Variants in CACNA1H observed in about 807,000 individuals in gnomAD.
CACNA1H encodes voltage-dependent T-type calcium channel subunit alpha-1H.
CACNA1H carries 149 observed loss-of-function variants against 192.5 expected under a neutral mutation model. That is an observed-to-expected ratio of 0.77 (90% CI 0.68 to 0.89). The LOEUF (loss-of-function observed/expected upper bound fraction) is 0.89. Ranked by LOEUF, CACNA1H falls within the 40% of genes least tolerant of loss-of-function variation. The pLI, the probability that CACNA1H is intolerant of heterozygous loss-of-function variation, is 0.00. For synonymous variants in CACNA1H, 2,202 were observed against 1,475.2 expected, an observed-to-expected ratio of 1.49 and a Z score of -11.29; for missense variants, 4,257 against 3,423.5, an observed-to-expected ratio of 1.24 and a Z score of -6.08.
At chr16:1,161,226 C>A (rs1004275927) in intron 2 of CACNA1H, among the ~76,000 whole-genome samples, 3 of 152,244 alleles carry the variant, frequency 2.0e-5, no homozygotes, top group Non-Finnish European at 4.4e-5. Context: ...GGGAGCGAAG[C>A]TGTTCCTTTG....
rs193055343 is a variant in CACNA1H at position 1,205,714 on chromosome 16, C to T, written c.2604-390C>T. Among the ~76,000 whole-genome samples the T allele has an allele frequency of 1.6e-4, 25 of 152,312 alleles. No individual in the cohort carries two copies. The East Asian group carries it at 1.7e-3, about 11-fold the overall frequency. ...CGCCCCCGGTCTTCCCCTAGGAGGA[C>T]GCTCATCCCTCAAGAGTAGAGAGGG... is the stretch of plus-strand genomic sequence containing the variant. On this transcript the variant is annotated intron_variant, in intron 11 of 34. Transcript: ENST00000348261.
Position 1,218,633 on chromosome 16 carries a change from G to A in CACNA1H, c.5869G>A (p.Gly1957Arg), listed in dbSNP as rs1368233250. The A allele has an allele frequency of 1.3e-6, 2 of 1,552,994 alleles. No individual in the cohort carries two copies. Among genetic ancestry groups the A allele is most frequent in the Non-Finnish European group, 1.7e-6 (2 of 1,147,226 alleles). The change falls in exon 33 of 35, where the codon GGG (glycine) becomes AGG (arginine). Residue 1957 changes from glycine to arginine, a missense_variant. Transcript: ENST00000348261. Reference sequence around the variant, plus strand: ...GCAGGAGGTGGAGATGGAGACCTATGGGGCCGGCACCCCCTTGGGTATGGT... The same window carrying A: ...GCAGGAGGTGGAGATGGAGACCTATAGGGCCGGCACCCCCTTGGGTATGGT... ...PLQEVEMETY[G>R]AGTPLGSVAS... is the part of the protein sequence containing the mutation.
At chr16:1,163,415 A>G (rs1963428512) in intron 2 of CACNA1H, among the ~76,000 whole-genome samples, 1 of 152,192 alleles carries the variant, frequency 6.6e-6, no homozygotes, top group Non-Finnish European at 1.5e-5. Flanking sequence ...GGGAGTGTCC[A>G]GTGAGCTGCC....
intron 15 of CACNA1H, 37 bp downstream of exon 15, chr16:1,207,897 G>T (rs201689016): frequency 4.5e-6 from 7 of 1,555,896 alleles, no homozygotes; most frequent in African/African-American, 1.4e-5. Flanking sequence ...GTTCTGGCGG[G>T]TGGAGTACGC....
Position 1,210,599 on chromosome 16 carries a change from G to C in CACNA1H, c.3986G>C (p.Ser1329Thr). ...TCCCGGCAGGAGCGGGTCTTCCTCA[G>C]CGTCTCCAATTACATCTTCACGGCC... ...DPGSTERVFL[S>T]VSNYIFTAIF... The change falls in exon 20 of 35, where the codon AGC becomes ACC. Residue 1329 changes from serine (S) to threonine (T), a missense_variant. Physicochemically the swap from Ser to Thr is moderately conservative, Grantham distance 58 (BLOSUM62 1). Transcript: ENST00000348261. The C allele has an allele frequency of 6.2e-7, 1 of 1,608,442 alleles. No homozygotes were observed. Among genetic ancestry groups the C allele is most frequent in the African/African-American group, 1.3e-5 (1 of 75,026 alleles).
At chr16:1,188,099 G>A (rs1306791300) in intron 2 of CACNA1H, among the ~76,000 whole-genome samples, 1 of 152,224 alleles carries the variant, frequency 6.6e-6, no homozygotes, top group Non-Finnish European at 1.5e-5. Context: ...AAAGGGGGAG[G>A]CACAGGTGGA....
At chr16:1,219,875 C>T (rs1036994840) in intron 34 of CACNA1H, 106 bp from the exon 35 acceptor site, 11 of 859,654 alleles carry the variant, frequency 1.3e-5, no homozygotes, top group Admixed American at 4.3e-5. Flanking sequence ...GGGACCTGCC[C>T]AGTTTGGCCT....
intron 2 of CACNA1H, among the ~76,000 whole-genome samples, chr16:1,175,031 A>G (rs959169308): frequency 7.3e-5 from 11 of 151,598 alleles, no homozygotes; most frequent in African/African-American, 2.7e-4. Context: ...GAGGCCAGCT[A>G]GGTGGTGGCT....
intron 5 of CACNA1H, among the ~76,000 whole-genome samples, chr16:1,196,534 C>T (rs1175306853): frequency 6.6e-6 from 1 of 152,366 alleles, no homozygotes; most frequent in South Asian, 2.1e-4. Flanking sequence ...CTTCTGGCCC[C>T]TACTCTCCTG....
At position 1,221,453 on chromosome 16, in the gene CACNA1H, T is replaced by A. The variant is rs1365396349; in HGVS notation, c.*459T>A. 1.2e-5 allele frequency: 4 copies of A among 332,960 alleles called. No homozygotes were observed. The East Asian group carries it at 2.5e-4, about 21-fold the overall frequency. 20.6% of individuals were successfully genotyped at this position (332,960 alleles called of 1,614,324 possible). A position where few individuals can be genotyped will look rare whatever the true frequency, so the allele number is the denominator to read the frequency against. On this transcript the variant is annotated 3_prime_UTR_variant, in exon 35 of 35. Coordinates refer to ENST00000348261, the MANE Select transcript of CACNA1H (RefSeq NM_021098.3). ...CTCACAGTCTGAGTTCTTGTCCGCCTGTCACGCCCTCACCACCCTCCCCTT... is the reference window on the plus strand; with the variant it reads ...CTCACAGTCTGAGTTCTTGTCCGCCAGTCACGCCCTCACCACCCTCCCCTT...
chr16:1,211,271 A>G lies in CACNA1H; in HGVS notation c.4327A>G (p.Ile1443Val), dbSNP rs777667628. 9.9e-6 allele frequency: 16 copies of G among 1,612,806 alleles called. No individual in the cohort carries two copies. Among genetic ancestry groups the G allele is most frequent in the African/African-American group, 6.7e-5 (5 of 74,886 alleles). ...CCTCATCTGCTGCGCCTTCTTCATC[A>G]TTTTTGGCATTTTGGGTGTGCAGGT... ...IVLICCAFFI[I>V]FGILGVQLFK... The change falls in exon 22 of 35, where the codon ATT becomes GTT. Residue 1443 changes from isoleucine (I) to valine (V), a missense_variant. Transcript: ENST00000348261.
At position 1,153,710 on chromosome 16, in the gene CACNA1H, T is replaced by C. The variant is rs1480829890; in HGVS notation, c.-18-10T>C. Reference sequence around the variant, plus strand: ...GCCACCGGCCCCGGGTCACCCCCTGTCCTCTGCAGGTGCTGCCGGCCGCCA... The same window carrying C: ...GCCACCGGCCCCGGGTCACCCCCTGCCCTCTGCAGGTGCTGCCGGCCGCCA... On this transcript the variant is annotated splice_polypyrimidine_tract_variant and intron_variant, in intron 1 of 34. Transcript: ENST00000348261. The C allele has an allele frequency of 1.6e-5, 19 of 1,195,470 alleles. No individual in the cohort carries two copies. Among genetic ancestry groups the C allele is most frequent in the Non-Finnish European group, 2.0e-5 (19 of 965,454 alleles). 74.1% of individuals were successfully genotyped at this position (1,195,470 alleles called of 1,614,324 possible).
chr16:1,196,170 G>A lies in CACNA1H; in HGVS notation c.643+147G>A, dbSNP rs998394845. 18 of 655,816 alleles carry A rather than the reference G, an allele frequency of 2.7e-5. No homozygotes were observed. The African/African-American group carries it at 2.9e-4, about 11-fold the overall frequency. The allele number at this position is 655,816 out of a possible 1,614,324, so 40.6% of individuals were successfully genotyped here. A position where few individuals can be genotyped will look rare whatever the true frequency, so the allele number is the denominator to read the frequency against. On this transcript the variant is annotated intron_variant, in intron 5 of 34. Transcript: ENST00000348261. ...GGCCCCAGCCCAGACCCCAGCAGTG[G>A]GGTGGCCCCTGCCGCTATCCGTGGG...
rs2974835 is a variant in CACNA1H at position 1,205,030 on chromosome 16, A to T, written c.2452-84A>T. On this transcript the variant is annotated intron_variant, in intron 10 of 34. Coordinates refer to ENST00000348261, the MANE Select transcript of CACNA1H (RefSeq NM_021098.3). ...TCAGTGCCGGGGAGGGGTGGGAGCC[A>T]CGGGTGGGGGCCCCAGATCAGTGCC... 5 of 340,108 alleles carry T rather than the reference A, an allele frequency of 1.5e-5. No homozygotes were observed. The South Asian group carries it at 1.6e-4, about 11-fold the overall frequency. 21.1% of individuals were successfully genotyped at this position (340,108 alleles called of 1,614,324 possible). A position where few individuals can be genotyped will look rare whatever the true frequency, so the allele number is the denominator to read the frequency against.
At position 1,162,957 on chromosome 16, in the gene CACNA1H, C is replaced by T. The variant is rs77052303; in HGVS notation, c.299+8921C>T. 4.8e-3 allele frequency among the ~76,000 whole-genome samples: 725 copies of T among 152,364 alleles called. 8 individuals are homozygous for T. Among genetic ancestry groups the T allele is most frequent in the African/African-American group, 0.017 (711 of 41,590 alleles). On this transcript the variant is annotated intron_variant, in intron 2 of 34. Coordinates refer to ENST00000348261, the MANE Select transcript of CACNA1H (RefSeq NM_021098.3). Reference sequence around the variant, plus strand: ...ACTCCACGGGTGCCTGGCCCTGCGGCCACGCGGAGCTATCCTTGGCTCCAG... The same window carrying T: ...ACTCCACGGGTGCCTGGCCCTGCGGTCACGCGGAGCTATCCTTGGCTCCAG...
chr16:1,196,388 T>G (rs904745989), intron 5 of CACNA1H, among the ~76,000 whole-genome samples: 7 of 152,228 alleles, frequency 4.6e-5, no homozygotes, highest in African/African-American at 1.7e-4. Context: ...CTGGTGTGGC[T>G]CGTGGTGGAG....
In CACNA1H at chr16:1,205,173, C is replaced by T. The variant is rs200144667; in HGVS notation, c.2511C>T (p.Ala837=). ...ACATCGTGTTCACCAGCATGTTTGC[C>T]CTGGAGATGCTGCTGAAGCTGCTGG... ...ISNIVFTSMF[A]LEMLLKLLAC... The change falls in exon 11 of 35, where the codon GCC becomes GCT. Residue 837 remains alanine (A), a synonymous_variant. Transcript: ENST00000348261. The T allele has an allele frequency of 1.8e-4, 289 of 1,613,118 alleles. No individual in the cohort carries two copies. The African/African-American group carries it at 3.0e-3, about 17-fold the overall frequency.
In CACNA1H at chr16:1,205,908, G is replaced by C. The variant is rs374730429; in HGVS notation, c.2604-196G>C. Among the ~76,000 whole-genome samples, 25 of 152,338 alleles carry C rather than the reference G, an allele frequency of 1.6e-4. No individual in the cohort carries two copies. The East Asian group carries it at 4.6e-3, about 28-fold the overall frequency. On this transcript the variant is annotated intron_variant, in intron 11 of 34. Transcript: ENST00000348261. ...GCACTGGGGGCCGGGTAGCCCCCGG[G>C]GCCATCAGCGGATAAGCGGCTTTTG...
intron 8 of CACNA1H, among the ~76,000 whole-genome samples, chr16:1,201,147 C>T (rs979703446): frequency 6.6e-6 from 1 of 152,126 alleles, no homozygotes; most frequent in African/African-American, 2.4e-5. Context: ...CCCAGTGGGT[C>T]CTGGCAGAGT....
Sources: allele counts gnomAD v4.1 joint callset (sites outside exome capture counted in the v4.1 genomes callset), GRCh38; gene constraint gnomAD v4.1.1; transcripts MANE v1.5; gene names NCBI Gene and HGNC (gene_info 2026-07-23, HGNC 2026-07-21).